Variants in CRIM1 observed in about 807,000 individuals in gnomAD.
CRIM1 encodes cysteine rich transmembrane BMP regulator 1.
Under a neutral mutation model 116.4 loss-of-function variants are expected in CRIM1, and 32 were observed. That is an observed-to-expected ratio of 0.27 (90% CI 0.21 to 0.37). The LOEUF is 0.37. Ranked by LOEUF, CRIM1 falls within the 10% of genes least tolerant of loss-of-function variation. The pLI is 1.00. For missense variants in CRIM1, 1,331 were observed against 1,354.8 expected (o/e 0.98, Z 0.28); for synonymous variants, 590 against 509.2 (o/e 1.16, Z -2.13).
chr2:36,454,742 A>G (rs1031818400), intron 4 of CRIM1, among the ~76,000 whole-genome samples: 1 of 152,182 alleles, frequency 6.6e-6, no homozygotes, highest in African/African-American at 2.4e-5. Flanking sequence ...CATGGAAGGT[A>G]TGCCCTCATT....
intron 1 of CRIM1, among the ~76,000 whole-genome samples, chr2:36,392,120 A>C (rs1418090866): frequency 6.6e-6 from 1 of 152,216 alleles, no homozygotes; most frequent in African/African-American, 2.4e-5. Flanking sequence ...TTATATTTCA[A>C]GATGTCTTCT....
At chr2:36,396,073 A>G (rs1222870093) in intron 1 of CRIM1, among the ~76,000 whole-genome samples, 1 of 151,944 alleles carries the variant, frequency 6.6e-6, no homozygotes, top group African/African-American at 2.4e-5. Context: ...TTCCCAGCTA[A>G]TTTTTTGTTT....
At chr2:36,531,938 C>T (rs1212859757) in intron 13 of CRIM1, 3 of 470,892 alleles carry the variant, frequency 6.4e-6, no homozygotes, top group Non-Finnish European at 1.3e-5. Context: ...GGACCAGCTG[C>T]ATCCAGCAAA....
intron 10 of CRIM1, 37 bp downstream of exon 10, chr2:36,512,431 G>C: frequency 6.4e-7 from 1 of 1,570,680 alleles, no homozygotes; most frequent in Non-Finnish European, 8.7e-7. Context: ...CCTCAAAGCA[G>C]CCAGGGGCAC....
Position 36,464,595 on chromosome 2 carries a change from A to T in CRIM1, c.931A>T (p.Ile311Leu), listed in dbSNP as rs1268895435. ...PVCEVGSTPR[I>L]VSRGDGTPGK... is the part of the protein sequence containing the mutation. Reference sequence around the variant, plus strand: ...GTGTGAGGTGGGATCCACTCCCCGCATAGTCTCTCGTGGCGATGGGACACC... The same window carrying T: ...GTGTGAGGTGGGATCCACTCCCCGCTTAGTCTCTCGTGGCGATGGGACACC... The change falls in exon 5 of 17, where the codon ATA (isoleucine) becomes TTA (leucine). Residue 311 changes from isoleucine (I) to leucine (L), a missense_variant. Physicochemically the swap from Ile to Leu is conservative, Grantham distance 5. Around this residue, in one of 3 missense-constraint regions of CRIM1, gnomAD observed 690 missense variants for 676.0 expected, o/e 1.02. Coordinates refer to ENST00000280527, the MANE Select transcript of CRIM1 (RefSeq NM_016441.3). 6.2e-7 allele frequency: 1 copy of T among 1,614,078 alleles called. No individual in the cohort carries two copies. Among genetic ancestry groups the T allele is most frequent in the Admixed American group, 1.7e-5 (1 of 60,016 alleles).
At chr2:36,430,908 T>C (rs1449217427) in intron 2 of CRIM1, among the ~76,000 whole-genome samples, 1 of 152,214 alleles carries the variant, frequency 6.6e-6, no homozygotes, top group African/African-American at 2.4e-5. Flanking sequence ...ACATCTTGAA[T>C]GTAGAAATAG....
rs575682514 is a variant in CRIM1 at position 36,523,365 on chromosome 2, C to T, written c.2428+1052C>T. Reference sequence around the variant, plus strand: ...GAGTGAGGCCTGAGTAACTCTAGAGCCCTCACCTTCTTGTGACCCGTGGTG... The same window carrying T: ...GAGTGAGGCCTGAGTAACTCTAGAGTCCTCACCTTCTTGTGACCCGTGGTG... On this transcript the variant is annotated intron_variant, in intron 13 of 16. Coordinates refer to ENST00000280527, the MANE Select transcript of CRIM1 (RefSeq NM_016441.3). Among the ~76,000 whole-genome samples the T allele has an allele frequency of 1.1e-3, 171 of 152,330 alleles. 1 individual carries two copies. The highest frequency in any genetic ancestry group is 4.0e-3 in the African/African-American group (167 of 41,578).
chr2:36,542,802 A>G (rs1160488797), intron 14 of CRIM1, among the ~76,000 whole-genome samples: 2 of 152,174 alleles, frequency 1.3e-5, no homozygotes, highest in African/African-American at 2.4e-5. Context: ...ACCACACATG[A>G]GAGTTTTTCA....
intron 7 of CRIM1, among the ~76,000 whole-genome samples, chr2:36,498,505 C>T (rs1477904820): frequency 6.6e-6 from 1 of 152,090 alleles, no homozygotes; most frequent in Non-Finnish European, 1.5e-5. Flanking sequence ...ATGTAGTTAC[C>T]GTTATTACCC....
At chr2:36,528,354 C>T (rs1665895455) in intron 13 of CRIM1, among the ~76,000 whole-genome samples, 1 of 152,256 alleles carries the variant, frequency 6.6e-6, no homozygotes, top group Non-Finnish European at 1.5e-5. Context: ...ACTTTGGTCA[C>T]TCCATCGTAA....
In CRIM1 at chr2:36,479,517, A is replaced by G; in HGVS notation, c.1195A>G (p.Asn399Asp). ...VCEDPVYPFNNPAGCYANGLI... is the reference protein window; with the variant it reads ...VCEDPVYPFNDPAGCYANGLI... ...TTTAGATCCAGTGTATCCTTTTAAT[A>G]ATCCCGCTGGCTGCTATGCCAATGG... is the stretch of plus-strand genomic sequence containing the variant. Residue 399 changes from asparagine (N) to aspartate (D), a missense_variant, in exon 7 of 17, where the codon AAT (asparagine) becomes GAT (aspartate). Transcript: ENST00000280527. 1 of 1,614,200 alleles carries G rather than the reference A, an allele frequency of 6.2e-7. No individual in the cohort carries two copies. Among genetic ancestry groups the G allele is most frequent in the Non-Finnish European group, 8.5e-7 (1 of 1,180,024 alleles).
At chr2:36,529,032 T>C (rs1368684551) in intron 13 of CRIM1, 16 of 458,454 alleles carry the variant, frequency 3.5e-5, no homozygotes, top group Non-Finnish European at 2.3e-5. Flanking sequence ...AGTCTTTAGG[T>C]GTGCTCCGCT....
chr2:36,369,036 C>T (rs988234683), intron 1 of CRIM1: 2 of 152,158 alleles, frequency 1.3e-5, no homozygotes, highest in African/African-American at 4.8e-5. Flanking sequence ...CTAACCTGAG[C>T]TTTTGCCCAA....
At chr2:36,498,358 C>T (rs1680749792) in intron 7 of CRIM1, among the ~76,000 whole-genome samples, 1 of 152,162 alleles carries the variant, frequency 6.6e-6, no homozygotes, top group South Asian at 2.1e-4. Flanking sequence ...ATGGGCAGGT[C>T]AGTGTGCTAG....
chr2:36,495,303 A>G lies in CRIM1; in HGVS notation c.1373-3916A>G, dbSNP rs186952591. 1.1e-4 allele frequency among the ~76,000 whole-genome samples: 17 copies of G among 152,296 alleles called. No individual in the cohort carries two copies. In the East Asian group the frequency reaches 3.3e-3, roughly 29 times the overall value. On this transcript the variant is annotated intron_variant, in intron 7 of 16. Transcript: ENST00000280527. ...AGAATCTTCTGGTCTTCAGACCAAA[A>G]TCCGACAGGCAATTTCCGTATTCAA...
chr2:36,399,838 G>A (rs767251380), intron 2 of CRIM1, among the ~76,000 whole-genome samples: 4 of 152,348 alleles, frequency 2.6e-5, no homozygotes, highest in South Asian at 2.1e-4. Flanking sequence ...AAGAAAGGGT[G>A]TGGAAAATCA....
chr2:36,491,592 T>C (rs1052739419), intron 7 of CRIM1, among the ~76,000 whole-genome samples: 2 of 152,214 alleles, frequency 1.3e-5, no homozygotes, highest in East Asian at 3.9e-4. Context: ...TAGATGTCTT[T>C]CGTTTTCCCG....
intron 4 of CRIM1, among the ~76,000 whole-genome samples, chr2:36,447,645 C>G (rs948747363): frequency 6.6e-6 from 1 of 152,208 alleles, no homozygotes; most frequent in Non-Finnish European, 1.5e-5. Flanking sequence ...TTACAGAACA[C>G]TTCTGCCATG....
At chr2:36,478,818 C>T (rs1679185556) in intron 6 of CRIM1, among the ~76,000 whole-genome samples, 1 of 148,702 alleles carries the variant, frequency 6.7e-6, no homozygotes, top group Non-Finnish European at 1.5e-5. Context: ...TATTTATATA[C>T]TTGTCAGTAA....
Sources: gnomAD v4.1 joint callset for allele counts (sites outside exome capture counted in the v4.1 genomes callset) on GRCh38, gnomAD v4.1.1 for gene constraint, gnomAD v4.1.1 regional missense constraint, MANE v1.5 for transcripts, NCBI Gene and HGNC (gene_info 2026-07-23, HGNC 2026-07-21) for gene names.